The following SLC37A3 variants were observed in gnomAD, a reference collection of about 807,000 sequenced individuals.
SLC37A3 encodes sugar phosphate exchanger 3.
Under a neutral mutation model 67.1 loss-of-function variants are expected in SLC37A3, and 51 were observed. The observed-to-expected ratio is 0.76, with a 90% CI of 0.61 to 0.96. The LOEUF (loss-of-function observed/expected upper bound fraction) is 0.96, where lower values mean the gene tolerates loss of function less well. Among genes scored for constraint, SLC37A3 ranks in the 40% least tolerant of loss-of-function variants. The pLI is 0.00. For synonymous variants in SLC37A3, 214 were observed against 231.4 expected, an observed-to-expected ratio of 0.92 and a Z score of 0.68; for missense variants, 508 against 603.0, an observed-to-expected ratio of 0.84 and a Z score of 1.65.
chr7:140,395,943 T>C (rs1414602487), intron 1 of SLC37A3, among the ~76,000 whole-genome samples: 1 of 149,392 alleles, frequency 6.7e-6, no homozygotes, highest in African/African-American at 2.5e-5. Context: ...ATTAAATGTA[T>C]AGTTGAGTTC....
At position 140,335,065 on chromosome 7, in the gene SLC37A3, C is replaced by A. The variant is rs557745410; in HGVS notation, c.*347G>T. On this transcript the variant is annotated 3_prime_UTR_variant, in exon 15 of 15. Transcript: ENST00000326232. ...CCTCCTGTTCACTCCATTTTCAAGGCTAGAGAAAGTTCAAGTCCAAAACAA... is the reference window on the plus strand; with the variant it reads ...CCTCCTGTTCACTCCATTTTCAAGGATAGAGAAAGTTCAAGTCCAAAACAA... The A allele has an allele frequency of 9.3e-5, 65 of 698,298 alleles. No individual in the cohort carries two copies. In the African/African-American group the frequency reaches 9.7e-4, roughly 10 times the overall value. The allele number at this position is 698,298 out of a possible 1,614,324, so 43.3% of individuals were successfully genotyped here. A position where few individuals can be genotyped will look rare whatever the true frequency, so the allele number is the denominator to read the frequency against.
rs187304962 is a variant in SLC37A3 at position 140,359,748 on chromosome 7, T to C, written c.376-963A>G. On this transcript the variant is annotated intron_variant, in intron 5 of 14. Coordinates refer to ENST00000326232, the MANE Select transcript of SLC37A3 (RefSeq NM_207113.3). Reference sequence around the variant, plus strand: ...ACTGTCTAGTTCCAGTTACAAGACATTCTGGAATAAGTAAAACTGTACACA... The same window carrying C: ...ACTGTCTAGTTCCAGTTACAAGACACTCTGGAATAAGTAAAACTGTACACA... 1.3e-3 allele frequency among the ~76,000 whole-genome samples: 200 copies of C among 152,314 alleles called. 1 individual carries two copies. The highest frequency in any genetic ancestry group is 4.1e-3 in the Admixed American group (63 of 15,294).
chr7:140,358,259 A>G (rs1172585003), intron 6 of SLC37A3, among the ~76,000 whole-genome samples: 2 of 152,220 alleles, frequency 1.3e-5, no homozygotes, highest in Non-Finnish European at 2.9e-5. Flanking sequence ...AAAAGGTTAA[A>G]TAAGATCACT....
intron 1 of SLC37A3, among the ~76,000 whole-genome samples, chr7:140,385,076 G>A (rs1480856880): frequency 1.3e-5 from 2 of 152,190 alleles, no homozygotes; most frequent in South Asian, 2.1e-4. Flanking sequence ...CCTGGGACAA[G>A]CCATGCTCTA....
Position 140,353,435 on chromosome 7 carries a change from C to T in SLC37A3, c.619-1289G>A, listed in dbSNP as rs112811907. On this transcript the variant is annotated intron_variant, in intron 7 of 14. Transcript: ENST00000326232. ...GAGGTTGCGGTGAGCTGAGATCACG[C>T]CATTGCACTCCAGCCTAGGTGACAG... Among the ~76,000 whole-genome samples the T allele has an allele frequency of 2.2e-3, 337 of 151,686 alleles. 1 individual carries two copies. Among genetic ancestry groups the T allele is most frequent in the African/African-American group, 7.9e-3 (326 of 41,364 alleles).
intron 11 of SLC37A3, 126 bp from the exon 12 acceptor site, chr7:140,345,389 C>T (rs1796516112): frequency 1.4e-6 from 1 of 695,134 alleles, no homozygotes; most frequent in Non-Finnish European, 2.6e-6. Flanking sequence ...AACAAAGAGA[C>T]ACAACTCTCT....
chr7:140,344,357 G>C (rs1796471609), intron 12 of SLC37A3, among the ~76,000 whole-genome samples: 1 of 152,194 alleles, frequency 6.6e-6, no homozygotes, highest in South Asian at 2.1e-4. Context: ...GAACCCAGGA[G>C]GTGGAGGTTG....
At chr7:140,360,507 G>A (rs761549480) in intron 5 of SLC37A3, among the ~76,000 whole-genome samples, 3 of 152,074 alleles carry the variant, frequency 2.0e-5, no homozygotes, top group Non-Finnish European at 4.4e-5. Flanking sequence ...GCTGGGGTGG[G>A]CAGATCACCT....
At chr7:140,379,018 C>G (rs1232570601) in intron 3 of SLC37A3, among the ~76,000 whole-genome samples, 3 of 151,606 alleles carry the variant, frequency 2.0e-5, no homozygotes, top group Non-Finnish European at 4.4e-5. Context: ...GACTTCAAGG[C>G]ACGTAAGCAA....
chr7:140,364,443 C>A lies in SLC37A3; in HGVS notation c.340G>T (p.Val114Phe). 1 of 1,613,950 alleles carries A rather than the reference C, an allele frequency of 6.2e-7. No homozygotes were observed. Among genetic ancestry groups the A allele is most frequent in the Non-Finnish European group, 8.5e-7 (1 of 1,179,986 alleles). ...GAAGAGCACATGCCAAAAGACAGAA[C>A]CCATCGCAAATTCAACCGATCCCCA... ...IVGDRLNLRW[V>F]LSFGMCSSAL... Residue 114 changes from valine to phenylalanine, a missense_variant, in exon 5 of 15, where the codon GTT (valine) becomes TTT (phenylalanine). Val to Phe is a conservative substitution (Grantham distance 50, BLOSUM62 -1). Transcript: ENST00000326232.
chr7:140,396,788 A>C (rs1340642378), intron 1 of SLC37A3, among the ~76,000 whole-genome samples: 1 of 152,146 alleles, frequency 6.6e-6, no homozygotes, highest in African/African-American at 2.4e-5. Flanking sequence ...TCGAAATCAA[A>C]CACTAATAGA....
At chr7:140,369,511 CT>C in intron 4 of SLC37A3, 78 bp downstream of exon 4, 1 of 1,181,782 alleles carries the variant, frequency 8.5e-7, no homozygotes, top group South Asian at 1.4e-5. Flanking sequence ...TTCAAAATCC[CT>C]TACAAATTTT....
chr7:140,385,534 C>T (rs1271513270), intron 1 of SLC37A3, among the ~76,000 whole-genome samples: 1 of 152,124 alleles, frequency 6.6e-6, no homozygotes, highest in Non-Finnish European at 1.5e-5. Flanking sequence ...ATATGAAATT[C>T]AATGATGTAT....
intron 3 of SLC37A3, among the ~76,000 whole-genome samples, chr7:140,371,964 C>T (rs62490395): frequency 3.3e-5 from 5 of 151,912 alleles, no homozygotes; most frequent in African/African-American, 1.2e-4. Context: ...TGATTCTCCT[C>T]CCTCAACCTC....
intron 5 of SLC37A3, among the ~76,000 whole-genome samples, chr7:140,361,840 G>A (rs1277342577): frequency 1.9e-4 from 27 of 140,528 alleles, no homozygotes; most frequent in Non-Finnish European, 3.1e-4. Context: ...ACGGAGTCTC[G>A]TTCACTCAGT....
At chr7:140,369,730 G>T (rs1222241108) in intron 3 of SLC37A3, 48 bp from the exon 4 acceptor site, 4 of 1,517,578 alleles carry the variant, frequency 2.6e-6, no homozygotes, top group African/African-American at 1.4e-5. Context: ...AATCTGCCAG[G>T]GCTTTCTGTT....
intron 3 of SLC37A3, among the ~76,000 whole-genome samples, chr7:140,375,198 G>A (rs1293732099): frequency 6.8e-6 from 1 of 147,486 alleles, no homozygotes; most frequent in Non-Finnish European, 1.5e-5. Context: ...GCTGGGTGCA[G>A]TGGCTCCTGC....
chr7:140,389,514 C>T (rs1798642146), intron 1 of SLC37A3, among the ~76,000 whole-genome samples: 1 of 152,148 alleles, frequency 6.6e-6, no homozygotes, highest in Non-Finnish European at 1.5e-5. Flanking sequence ...CTCTGATCCC[C>T]GACTGCTCGG....
At chr7:140,397,011 C>T (rs1377844691) in intron 1 of SLC37A3, among the ~76,000 whole-genome samples, 1 of 149,604 alleles carries the variant, frequency 6.7e-6, no homozygotes, top group Non-Finnish European at 1.5e-5. Flanking sequence ...ATCATCATGG[C>T]CAATATGGTG....
Sources: gnomAD v4.1 joint callset for allele counts (sites outside exome capture counted in the v4.1 genomes callset) on GRCh38, gnomAD v4.1.1 for gene constraint, MANE v1.5 for transcripts, NCBI Gene and HGNC (gene_info 2026-07-23, HGNC 2026-07-21) for gene names.